TMEM108: variants seen among roughly 807,000 people sequenced by gnomAD.
The protein encoded by TMEM108 is transmembrane protein 108.
A neutral mutation model predicts 35.1 loss-of-function variants in TMEM108; 12 were observed. That is an observed-to-expected ratio of 0.34 (90% CI 0.22 to 0.55). The LOEUF (loss-of-function observed/expected upper bound fraction) is 0.55, where lower values mean the gene tolerates loss of function less well. Among genes scored for constraint, TMEM108 ranks in the 20% least tolerant of loss-of-function variants. The pLI is 0.89. For missense variants in TMEM108, 680 were observed against 753.3 expected (o/e 0.90, Z 1.14); for synonymous variants, 287 against 308.6 (o/e 0.93, Z 0.73).
At chr3:133,062,307 C>T (rs1178468197) in intron 2 of TMEM108, among the ~76,000 whole-genome samples, 1 of 152,116 alleles carries the variant, frequency 6.6e-6, no homozygotes, top group Non-Finnish European at 1.5e-5. Flanking sequence ...TATTAATTTT[C>T]TATTAACGTC....
intron 3 of TMEM108, among the ~76,000 whole-genome samples, chr3:133,300,198 C>T (rs1365262946): frequency 6.6e-6 from 1 of 151,906 alleles, no homozygotes; most frequent in Non-Finnish European, 1.5e-5. Flanking sequence ...GGGTGGTGGT[C>T]CTGACCACAT....
At chr3:133,062,258 A>T (rs1282057104) in intron 2 of TMEM108, among the ~76,000 whole-genome samples, 2 of 152,230 alleles carry the variant, frequency 1.3e-5, no homozygotes, top group Non-Finnish European at 2.9e-5. Flanking sequence ...CAATGGATAA[A>T]CAATAGCTAG....
chr3:133,329,682 G>A (rs1170528545), intron 3 of TMEM108, among the ~76,000 whole-genome samples: 1 of 152,054 alleles, frequency 6.6e-6, no homozygotes. Context: ...TTAAGGCAAA[G>A]AAAAAGTTTC....
intron 2 of TMEM108, among the ~76,000 whole-genome samples, chr3:133,115,654 T>G (rs997694235): frequency 5.3e-5 from 8 of 152,266 alleles, no homozygotes; most frequent in African/African-American, 1.9e-4. Context: ...CTCTAGGCAG[T>G]TTTGTTATGC....
At chr3:133,040,236 G>A (rs1280758284) in intron 1 of TMEM108, among the ~76,000 whole-genome samples, 6 of 136,824 alleles carry the variant, frequency 4.4e-5, no homozygotes, top group Admixed American at 2.5e-4. Context: ...CGGAGTCTCC[G>A]TCTGTCACCC....
Position 133,380,332 on chromosome 3 carries a change from G to A in TMEM108, c.621G>A (p.Leu207=), listed in dbSNP as rs1330336976. 8 of 1,614,132 alleles carry A rather than the reference G, an allele frequency of 5.0e-6. No individual in the cohort carries two copies. The East Asian group carries it at 1.6e-4, about 31-fold the overall frequency. ...GACGAAATCCAAGCTCCACACCTCT[G>A]GGGCAGAAGCGGCCCCTGGGGAAAA... ...QRGRNPSSTP[L]GQKRPLGKIF... The change falls in exon 4 of 6, where the codon CTG becomes CTA. Residue 207 remains leucine (L), a synonymous_variant. Coordinates refer to ENST00000321871, the MANE Select transcript of TMEM108 (RefSeq NM_023943.4). The surrounding 1 kb of genome is among the most constrained non-coding windows in gnomAD (Gnocchi z 5.3).
intron 3 of TMEM108, among the ~76,000 whole-genome samples, chr3:133,317,617 G>T (rs1283024783): frequency 6.6e-6 from 1 of 152,166 alleles, no homozygotes; most frequent in Non-Finnish European, 1.5e-5. Context: ...GTAATTGCTT[G>T]CAACCTTTAA....
intron 3 of TMEM108, among the ~76,000 whole-genome samples, chr3:133,312,189 A>G (rs1015926356): frequency 6.6e-6 from 1 of 152,232 alleles, no homozygotes; most frequent in Non-Finnish European, 1.5e-5. Flanking sequence ...CACAGGGGTC[A>G]GGGACCTACT....
chr3:133,261,912 G>A (rs1946630742), intron 3 of TMEM108, among the ~76,000 whole-genome samples: 1 of 152,200 alleles, frequency 6.6e-6, no homozygotes, highest in Non-Finnish European at 1.5e-5. Context: ...TGGTTCAGTT[G>A]TCAGCTACTT....
intron 3 of TMEM108, among the ~76,000 whole-genome samples, chr3:133,362,989 AAAGC>A (rs1170944725): frequency 6.6e-6 from 1 of 152,176 alleles, no homozygotes. Flanking sequence ...GTTTCCAGAA[AAAGC>A]AGCATCTAAA....
chr3:133,172,879 G>A (rs1390706644), intron 2 of TMEM108, among the ~76,000 whole-genome samples: 1 of 152,146 alleles, frequency 6.6e-6, no homozygotes, highest in Non-Finnish European at 1.5e-5. Flanking sequence ...TAAATCTCAT[G>A]AGATCTGATG....
At chr3:133,102,853 A>T (rs1944105116) in intron 2 of TMEM108, among the ~76,000 whole-genome samples, 1 of 148,010 alleles carries the variant, frequency 6.8e-6, no homozygotes, top group Non-Finnish European at 1.5e-5. Flanking sequence ...AACATCACTG[A>T]TCATTAGAAA....
chr3:133,233,943 C>G (rs1378817850), intron 3 of TMEM108, among the ~76,000 whole-genome samples: 1 of 151,152 alleles, frequency 6.6e-6, no homozygotes, highest in Non-Finnish European at 1.5e-5. Flanking sequence ...GATATTAGCC[C>G]TTTGTCAGAT....
chr3:133,164,133 C>G (rs1207928171), intron 2 of TMEM108, among the ~76,000 whole-genome samples: 1 of 151,946 alleles, frequency 6.6e-6, no homozygotes, highest in Non-Finnish European at 1.5e-5. Context: ...ATAGTTGTCA[C>G]AACCATCTCT....
rs1022640078 is a variant in TMEM108, at chr3:133,302,397, T to C, written c.40+73046T>C. ...TGTAAAATTTCAAATATCTCTTGAA[T>C]TTTCTTTTTCTTTCTTTCTTTTTTT... On this transcript the variant is annotated intron_variant, in intron 3 of 5. Transcript: ENST00000321871. Among the ~76,000 whole-genome samples the C allele has an allele frequency of 5.3e-5, 8 of 149,962 alleles. No individual in the cohort carries two copies. In the Admixed American group the frequency reaches 5.5e-4, roughly 10 times the overall value.
chr3:133,368,867 C>T (rs1027090762), intron 3 of TMEM108, among the ~76,000 whole-genome samples: 1 of 152,118 alleles, frequency 6.6e-6, no homozygotes, highest in Admixed American at 6.5e-5. Flanking sequence ...CAGATGGCTC[C>T]GTTCAAGAAC....
intron 3 of TMEM108, among the ~76,000 whole-genome samples, chr3:133,333,360 G>A (rs368977844): frequency 4.4e-5 from 6 of 136,238 alleles, no homozygotes; most frequent in African/African-American, 1.5e-4. Flanking sequence ...CCATTCCCTG[G>A]CCCCTCTTTC....
At chr3:133,225,419 G>A (rs930961437) in intron 2 of TMEM108, among the ~76,000 whole-genome samples, 5 of 152,128 alleles carry the variant, frequency 3.3e-5, no homozygotes, top group African/African-American at 1.2e-4. Context: ...ACTGGTGGTG[G>A]GGGACGAATT....
chr3:133,104,806 C>G (rs971767804), intron 2 of TMEM108, among the ~76,000 whole-genome samples: 9 of 152,164 alleles, frequency 5.9e-5, no homozygotes, highest in African/African-American at 2.2e-4. Context: ...CATTTCCTTG[C>G]CCACACTGTG....
Sources: gnomAD v4.1 joint callset for allele counts (sites outside exome capture counted in the v4.1 genomes callset) on GRCh38, gnomAD v4.1.1 for gene constraint, Gnocchi (gnomAD v3.1) non-coding constraint, MANE v1.5 for transcripts, NCBI Gene and HGNC (gene_info 2026-07-23, HGNC 2026-07-21) for gene names.